EVC: variants seen among roughly 807,000 people sequenced by gnomAD.
EVC encodes EvC ciliary complex subunit 1, also known as evC complex member EVC.
A neutral mutation model predicts 118.9 loss-of-function variants in EVC; 116 were observed. That is an observed-to-expected ratio of 0.98 (90% CI 0.84 to 1.14). The LOEUF (loss-of-function observed/expected upper bound fraction) is 1.14. Among genes scored for constraint, EVC ranks in the 50% most tolerant of loss-of-function variants. The pLI is 0.00. For synonymous variants in EVC, 619 were observed against 534.7 expected, an observed-to-expected ratio of 1.16 and a Z score of -2.18; for missense variants, 1,401 against 1,246.4, an observed-to-expected ratio of 1.12 and a Z score of -1.87.
rs918775943 is a variant in EVC at position 5,746,667 on chromosome 4, A to G, written c.939+1326A>G. 6.6e-6 allele frequency among the ~76,000 whole-genome samples: 1 copy of G among 152,132 alleles called. No homozygotes were observed. Among genetic ancestry groups the G allele is most frequent in the African/African-American group, 2.4e-5 (1 of 41,436 alleles). ...CAACGCTGTGTGCAGTATCTTGTCC[A>G]TGTCTGCCTTTCTCAGGGACAGGGT... On this transcript the variant is annotated intron_variant, in intron 7 of 20. Coordinates refer to ENST00000264956, the MANE Select transcript of EVC (RefSeq NM_153717.3). This position sits in a 1 kb window ranked among gnomAD's most constrained non-coding sequence, Gnocchi z 5.8.
chr4:5,784,190 T>C (rs1736074789), intron 12 of EVC, among the ~76,000 whole-genome samples: 1 of 152,138 alleles, frequency 6.6e-6, no homozygotes, highest in Non-Finnish European at 1.5e-5. Context: ...AAGATATCTA[T>C]GCTGTGTTCC....
rs188509575 is a variant in EVC, at chr4:5,746,690, G to C, written c.939+1349G>C. On this transcript the variant is annotated intron_variant, in intron 7 of 20. Coordinates refer to ENST00000264956, the MANE Select transcript of EVC (RefSeq NM_153717.3). This position sits in a 1 kb window ranked among gnomAD's most constrained non-coding sequence, Gnocchi z 5.8. ...CCATGTCTGCCTTTCTCAGGGACAG[G>C]GTTCAGAATTTTCATAAGATTCTCC... 2.9e-3 allele frequency among the ~76,000 whole-genome samples: 447 copies of C among 152,276 alleles called. 1 individual carries two copies. The highest frequency in any genetic ancestry group is 0.01 in the African/African-American group (429 of 41,556).
At chr4:5,773,599 A>C (rs868068677) in intron 11 of EVC, among the ~76,000 whole-genome samples, 1 of 152,002 alleles carries the variant, frequency 6.6e-6, no homozygotes, top group African/African-American at 2.4e-5. Flanking sequence ...GCCGGGAGAG[A>C]GACTGGGAGG....
At chr4:5,715,930 G>A (rs921769065) in intron 1 of EVC, among the ~76,000 whole-genome samples, 3 of 152,086 alleles carry the variant, frequency 2.0e-5, no homozygotes, top group African/African-American at 7.2e-5. Context: ...TTTTAGTAGA[G>A]ATGGGGTTTC....
intron 11 of EVC, among the ~76,000 whole-genome samples, chr4:5,777,988 C>G (rs945682568): frequency 6.7e-6 from 1 of 148,542 alleles, no homozygotes; most frequent in African/African-American, 2.5e-5. Flanking sequence ...TCCCTCCCCC[C>G]TCCCCCTACC....
intron 20 of EVC, 120 bp downstream of exon 20, chr4:5,810,570 G>T (rs1716747557): frequency 2.5e-6 from 2 of 787,534 alleles, no homozygotes; most frequent in South Asian, 3.0e-5. Context: ...AAATGTGAAG[G>T]TTCAAGAAAT....
At chr4:5,784,396 G>A (rs1042502422) in intron 12 of EVC, among the ~76,000 whole-genome samples, 1 of 152,074 alleles carries the variant, frequency 6.6e-6, no homozygotes, top group African/African-American at 2.4e-5. Context: ...ACTCTGGCTG[G>A]TTCTAGAAGC....
chr4:5,794,295 A>C lies in EVC; in HGVS notation c.1886+578A>C, dbSNP rs866203885. Among the ~76,000 whole-genome samples, 285 of 134,772 alleles carry C rather than the reference A, an allele frequency of 2.1e-3. 1 individual carries two copies. Among genetic ancestry groups the C allele is most frequent in the African/African-American group, 7.7e-3 (273 of 35,492 alleles). The allele number at this position is 134,772 out of a possible 152,430, so 88.4% of individuals were successfully genotyped here. A position where few individuals can be genotyped will look rare whatever the true frequency, so the allele number is the denominator to read the frequency against. On this transcript the variant is annotated intron_variant, in intron 13 of 20. Coordinates refer to ENST00000264956, the MANE Select transcript of EVC (RefSeq NM_153717.3). ...TATATATATTTATATATATTTTTATATATTTATATTTTTATATATTTATAT... is the reference window on the plus strand; with the variant it reads ...TATATATATTTATATATATTTTTATCTATTTATATTTTTATATATTTATAT...
intron 9 of EVC, among the ~76,000 whole-genome samples, 159 bp from the exon 10 acceptor site, chr4:5,753,626 A>C (rs2152080008): frequency 6.6e-6 from 1 of 152,056 alleles, no homozygotes; most frequent in South Asian, 2.1e-4. Context: ...TACTAGTGGG[A>C]CCTACAGAAA....
chr4:5,818,702 G>A (rs547730461), downstream of EVC, among the ~76,000 whole-genome samples: 1 of 152,258 alleles, frequency 6.6e-6, no homozygotes, highest in South Asian at 2.1e-4. Flanking sequence ...CACTGCCTTA[G>A]GACTCTGCAG....
intron 12 of EVC, among the ~76,000 whole-genome samples, chr4:5,784,957 C>G (rs770594619): frequency 6.6e-6 from 1 of 152,122 alleles, no homozygotes; most frequent in Non-Finnish European, 1.5e-5. Flanking sequence ...TTAAAGAAGG[C>G]ATTTCCAAAT....
chr4:5,802,935 C>T (rs962520115), intron 16 of EVC, among the ~76,000 whole-genome samples: 4 of 152,064 alleles, frequency 2.6e-5, no homozygotes, highest in African/African-American at 4.8e-5. Context: ...CCTAATTAGA[C>T]GTTCAATGAT....
At chr4:5,809,003 T>C (rs985388141) in intron 18 of EVC, among the ~76,000 whole-genome samples, 6 of 152,148 alleles carry the variant, frequency 3.9e-5, no homozygotes, top group Admixed American at 6.5e-5. Context: ...CTATGATAGA[T>C]AGTCATGAGC....
intron 11 of EVC, among the ~76,000 whole-genome samples, chr4:5,774,763 T>C (rs1560385246): frequency 6.6e-6 from 1 of 152,156 alleles, no homozygotes; most frequent in African/African-American, 2.4e-5. Context: ...GGCCAGCTTC[T>C]ATTCCCCACC....
At chr4:5,825,951 T>TGCATGCACATGCAGTCATGCACACACAG in the EVC span, 2 of 448,462 alleles carry the variant, frequency 4.5e-6, no homozygotes, top group Non-Finnish European at 7.9e-6. This position sits in a 1 kb window ranked among gnomAD's most constrained non-coding sequence, Gnocchi z 4.4. Flanking sequence ...TGCACACATA[T>TGCATGCACATGCAGTCATGCACACACAG]ATGCATGCAC....
rs147280107 is a variant in EVC at position 5,719,258 on chromosome 4, C to T, written c.185C>T (p.Thr62Ile). 4 of 1,614,022 alleles carry T rather than the reference C, an allele frequency of 2.5e-6. No individual in the cohort carries two copies. In the African/African-American group the frequency reaches 4.0e-5, roughly 16 times the overall value. ...RQRTRHQKDD[T>I]QNLLKNLESN... ...ACCTTCGGGTTTTAGAAAGACGACA[C>T]TCAAAATCTGCTCAAGAATTTGGAG... The change falls in exon 2 of 21, where the codon ACT becomes ATT. Residue 62 changes from threonine (T) to isoleucine (I), a missense_variant. Physicochemically the swap from Thr to Ile is moderately conservative, Grantham distance 89. Transcript: ENST00000264956. This position sits in a 1 kb window ranked among gnomAD's most constrained non-coding sequence, Gnocchi z 4.7.
At chr4:5,718,245 A>G (rs1339672624) in intron 1 of EVC, among the ~76,000 whole-genome samples, 1 of 151,998 alleles carries the variant, frequency 6.6e-6, no homozygotes, top group Non-Finnish European at 1.5e-5. Flanking sequence ...GCCTCTGGTC[A>G]CAACATTTCC....
chr4:5,719,795 T>C lies in EVC; in HGVS notation c.300+422T>C, dbSNP rs1724642123. On this transcript the variant is annotated intron_variant, in intron 2 of 20. Coordinates refer to ENST00000264956, the MANE Select transcript of EVC (RefSeq NM_153717.3). This position sits in a 1 kb window ranked among gnomAD's most constrained non-coding sequence, Gnocchi z 4.7. ...TAAGATGTTTCCCTTTCGTTGTGTG[T>C]ATCAATAATTCACCCATTTTTATTG... Among the ~76,000 whole-genome samples, 1 of 152,206 alleles carries C rather than the reference T, an allele frequency of 6.6e-6. No homozygotes were observed. The highest frequency in any genetic ancestry group is 2.4e-5 in the African/African-American group (1 of 41,454).
At chr4:5,784,187 C>G (rs189621634) in intron 12 of EVC, among the ~76,000 whole-genome samples, 1 of 152,126 alleles carries the variant, frequency 6.6e-6, no homozygotes, top group Non-Finnish European at 1.5e-5. Flanking sequence ...TCAAAGATAT[C>G]TATGCTGTGT....
Sources: gnomAD v4.1 joint callset for allele counts (sites outside exome capture counted in the v4.1 genomes callset) on GRCh38, gnomAD v4.1.1 for gene constraint, Gnocchi (gnomAD v3.1) non-coding constraint, MANE v1.5 for transcripts, NCBI Gene and HGNC (gene_info 2026-07-23, HGNC 2026-07-21) for gene names.